Variants in SUPT3H observed in about 807,000 individuals in gnomAD.
SUPT3H encodes the protein transcription initiation protein SPT3 homolog.
SUPT3H carries 44 observed loss-of-function variants against 44.3 expected under a neutral mutation model. The ratio of observed to expected loss-of-function variants is 0.99; its 90% confidence interval spans 0.78 to 1.28. The LOEUF is 1.28. Among genes scored for constraint, SUPT3H ranks in the 50% most tolerant of loss-of-function variants. The pLI is 0.00. For missense variants in SUPT3H, 380 were observed against 387.1 expected (o/e 0.98, Z 0.15); for synonymous variants, 124 against 125.6 (o/e 0.99, Z 0.09).
intron 3 of SUPT3H, among the ~76,000 whole-genome samples, chr6:45,048,370 T>C (rs1789761954): frequency 6.6e-6 from 1 of 152,064 alleles, no homozygotes; most frequent in Admixed American, 6.6e-5. Flanking sequence ...CCTCCTGTGT[T>C]TTCTTCTAGT....
At chr6:45,195,607 T>C (rs1468651373) in intron 2 of SUPT3H, among the ~76,000 whole-genome samples, 3 of 152,194 alleles carry the variant, frequency 2.0e-5, no homozygotes, top group Non-Finnish European at 4.4e-5. Context: ...AAGGTTATTA[T>C]TTTGATTGTG....
At chr6:45,247,722 A>T (rs1377049559) in intron 2 of SUPT3H, among the ~76,000 whole-genome samples, 1 of 150,748 alleles carries the variant, frequency 6.6e-6, no homozygotes, top group Non-Finnish European at 1.5e-5. Flanking sequence ...TAGAAACCCA[A>T]TTCTAACTTT....
chr6:45,296,815 C>G (rs9395091), intron 2 of SUPT3H, among the ~76,000 whole-genome samples: 1 of 144,320 alleles, frequency 6.9e-6, no homozygotes, highest in South Asian at 2.3e-4. Flanking sequence ...GCACCAAAAT[C>G]TCACAAATCA....
intron 2 of SUPT3H, chr6:45,322,882 T>A (rs749880591): frequency 1.9e-5 from 31 of 1,612,430 alleles, no homozygotes; most frequent in Non-Finnish European, 6.8e-6. Context: ...GTCTCACCTG[T>A]CAAAGTTGAA....
intron 2 of SUPT3H, among the ~76,000 whole-genome samples, chr6:45,131,796 A>C (rs1488997176): frequency 6.6e-6 from 1 of 152,324 alleles, no homozygotes; most frequent in East Asian, 1.9e-4. Flanking sequence ...TTATAGCTTA[A>C]GTATTATTTC....
chr6:45,218,674 C>A (rs531416810), intron 2 of SUPT3H, among the ~76,000 whole-genome samples: 1 of 152,150 alleles, frequency 6.6e-6, no homozygotes, highest in African/African-American at 2.4e-5. Context: ...GCGGAGGTTG[C>A]GGTGAGCTGA....
At chr6:44,894,855 T>G (rs1031364781) in intron 10 of SUPT3H, among the ~76,000 whole-genome samples, 5 of 151,818 alleles carry the variant, frequency 3.3e-5, no homozygotes, top group Non-Finnish European at 7.4e-5. Context: ...TTATAACATT[T>G]TAAAATAATA....
intron 2 of SUPT3H, among the ~76,000 whole-genome samples, chr6:45,359,071 C>CT (rs998953953): frequency 6.6e-6 from 1 of 152,068 alleles, no homozygotes; most frequent in African/African-American, 2.4e-5. Context: ...AAGCAAGACA[C>CT]TTTTTTCCCT....
intron 10 of SUPT3H, among the ~76,000 whole-genome samples, chr6:44,902,855 C>T (rs547999390): frequency 2.5e-4 from 38 of 152,112 alleles, no homozygotes; most frequent in Admixed American, 9.2e-4. Flanking sequence ...GCAATCAAAC[C>T]AGAACTCAGG....
At chr6:45,115,702 CAAT>C (rs745350230) in intron 2 of SUPT3H, among the ~76,000 whole-genome samples, 11 of 152,124 alleles carry the variant, frequency 7.2e-5, no homozygotes, top group Non-Finnish European at 1.3e-4. Context: ...CAGTTTCTAA[CAAT>C]GACATGATGA....
At chr6:45,336,278 C>T (rs905335129) in intron 2 of SUPT3H, among the ~76,000 whole-genome samples, 3 of 151,338 alleles carry the variant, frequency 2.0e-5, no homozygotes, top group African/African-American at 7.2e-5. Flanking sequence ...AAGCTTTATT[C>T]TTGATTATGT....
intron 10 of SUPT3H, among the ~76,000 whole-genome samples, chr6:44,907,091 A>C (rs1397670055): frequency 1.3e-5 from 2 of 152,248 alleles, no homozygotes; most frequent in Non-Finnish European, 1.5e-5. Flanking sequence ...TCAAATTAGA[A>C]AACTATTTGT....
intron 2 of SUPT3H, among the ~76,000 whole-genome samples, chr6:45,165,535 C>A (rs1458954316): frequency 6.6e-6 from 1 of 151,858 alleles, no homozygotes; most frequent in Non-Finnish European, 1.5e-5. Context: ...CAGAGATAAT[C>A]CAGATGTTGG....
At position 45,230,660 on chromosome 6, in the gene SUPT3H, G is replaced by GCCTATATATATA. The variant is rs765270979; in HGVS notation, c.102-124655_102-124654insTATATATATAGG. 4.2e-3 allele frequency among the ~76,000 whole-genome samples: 214 copies of GCCTATATATATA among 51,144 alleles called. 10 individuals carry two copies. The highest frequency in any genetic ancestry group is 7.6e-3 in the African/African-American group (121 of 15,936). The allele number at this position is 51,144 out of a possible 152,430, so 33.6% of individuals were successfully genotyped here. A position where few individuals can be genotyped will look rare whatever the true frequency, so the allele number is the denominator to read the frequency against. On this transcript the variant is annotated intron_variant, in intron 2 of 10. Transcript: ENST00000371459. ...TGAAATCATGTTTTAAATTCATTCAGTCTATATATATATATATATATATAT... is the reference window on the plus strand; with the variant it reads ...TGAAATCATGTTTTAAATTCATTCAGCCTATATATATATCTATATATATATATATATATATAT...
intron 2 of SUPT3H, chr6:45,158,878 G>A (rs1240813078): frequency 6.6e-6 from 1 of 152,196 alleles, no homozygotes; most frequent in Non-Finnish European, 1.5e-5. Context: ...TTGCTGGTCA[G>A]TGGGGCTATC....
intron 2 of SUPT3H, among the ~76,000 whole-genome samples, chr6:45,360,872 T>C (rs926610197): frequency 1.3e-5 from 2 of 152,194 alleles, no homozygotes; most frequent in African/African-American, 4.8e-5. Context: ...TGTACTACCA[T>C]GGAATTTTTC....
At chr6:45,318,902 T>G (rs924681025) in intron 2 of SUPT3H, among the ~76,000 whole-genome samples, 1 of 152,160 alleles carries the variant, frequency 6.6e-6, no homozygotes, top group Non-Finnish European at 1.5e-5. Context: ...TACATGATCA[T>G]TATATAACTT....
chr6:44,888,061 C>G (rs901747880), intron 10 of SUPT3H, among the ~76,000 whole-genome samples: 23 of 152,108 alleles, frequency 1.5e-4, no homozygotes, highest in African/African-American at 5.3e-4. Context: ...CAAGACTAAA[C>G]CAGGAAGAAG....
chr6:44,849,249 C>T (rs1419841276), intron 10 of SUPT3H, among the ~76,000 whole-genome samples: 6 of 99,680 alleles, frequency 6.0e-5, no homozygotes, highest in Admixed American at 1.6e-4. Flanking sequence ...TTTTTTGAGA[C>T]GGAGTCTCGC....
Sources: gnomAD v4.1 joint callset for allele counts (sites outside exome capture counted in the v4.1 genomes callset) on GRCh38, gnomAD v4.1.1 for gene constraint, MANE v1.5 for transcripts, NCBI Gene and HGNC (gene_info 2026-07-23, HGNC 2026-07-21) for gene names.